Variants in CPED1 observed in about 807,000 individuals in gnomAD.
The protein encoded by CPED1 is cadherin like and PC-esterase domain containing 1, also known as cadherin-like and PC-esterase domain-containing protein 1.
In CPED1, 114 loss-of-function variants were observed where a neutral mutation model predicts 128.2. That is an observed-to-expected ratio of 0.89 (90% confidence interval 0.76 to 1.04). CPED1 has a LOEUF of 1.04. Ranked by LOEUF, CPED1 falls within the 50% of genes least tolerant of loss-of-function variation. CPED1 has a pLI of 0.00. For synonymous variants in CPED1, 462 were observed against 426.7 expected, an observed-to-expected ratio of 1.08 and a Z score of -1.02; for missense variants, 1,211 against 1,207.1, an observed-to-expected ratio of 1.00 and a Z score of -0.05.
At chr7:121,192,365 A>C (rs1797160154) in intron 16 of CPED1, among the ~76,000 whole-genome samples, 1 of 152,164 alleles carries the variant, frequency 6.6e-6, no homozygotes, top group South Asian at 2.1e-4. Context: ...GGGCTGCTCA[A>C]CTGGTAAATA....
chr7:121,178,044 G>T (rs553846067), intron 16 of CPED1, among the ~76,000 whole-genome samples: 29 of 152,058 alleles, frequency 1.9e-4, no homozygotes, highest in African/African-American at 7.0e-4. Context: ...AAGTATTCAC[G>T]AGGAGGGGCT....
intron 18 of CPED1, among the ~76,000 whole-genome samples, chr7:121,256,822 C>T (rs1384790973): frequency 6.6e-6 from 1 of 152,010 alleles, no homozygotes; most frequent in Non-Finnish European, 1.5e-5. Flanking sequence ...AACCTAGGTG[C>T]CCTTCAATGG....
intron 16 of CPED1, among the ~76,000 whole-genome samples, chr7:121,161,840 G>GGGTA (rs1469464790): frequency 1.3e-5 from 2 of 152,086 alleles, no homozygotes; most frequent in Non-Finnish European, 2.9e-5. Flanking sequence ...TTAAGAAAGG[G>GGGTA]GGTAGGTTTG....
chr7:121,136,981 G>A (rs1347352329), intron 14 of CPED1, among the ~76,000 whole-genome samples: 1 of 151,690 alleles, frequency 6.6e-6, no homozygotes, highest in African/African-American at 2.4e-5. Context: ...GTTCTATATA[G>A]CAAGATTTTT....
intron 7 of CPED1, among the ~76,000 whole-genome samples, chr7:121,121,200 A>G (rs1432969527): frequency 6.6e-6 from 1 of 152,154 alleles, no homozygotes; most frequent in East Asian, 1.9e-4. Flanking sequence ...CACCTTGGGA[A>G]AGATATCAGA....
At chr7:121,144,808 C>G (rs937168502) in intron 16 of CPED1, among the ~76,000 whole-genome samples, 1 of 151,974 alleles carries the variant, frequency 6.6e-6, no homozygotes, top group Non-Finnish European at 1.5e-5. Context: ...TAAATATATA[C>G]AACTATTATG....
At chr7:121,214,648 A>T (rs1382168708) in intron 16 of CPED1, among the ~76,000 whole-genome samples, 1 of 152,084 alleles carries the variant, frequency 6.6e-6, no homozygotes, top group Non-Finnish European at 1.5e-5. Flanking sequence ...GTGAGACTAC[A>T]CATAGAAAGG....
In CPED1 at chr7:121,248,606, A is replaced by C. The variant is rs565041725; in HGVS notation, c.2310+4268A>C. 4.9e-4 allele frequency among the ~76,000 whole-genome samples: 75 copies of C among 151,930 alleles called. No homozygotes were observed. In the South Asian group the frequency reaches 0.011, roughly 23 times the overall value. On this transcript the variant is annotated intron_variant, in intron 18 of 22. Transcript: ENST00000310396. Reference sequence around the variant, plus strand: ...GCACCCTGTGAAACAAAAAAAAAAAAAAAAAAAGCATTAAGCCACAAATAA... The same window carrying C: ...GCACCCTGTGAAACAAAAAAAAAAACAAAAAAAGCATTAAGCCACAAATAA...
intron 18 of CPED1, among the ~76,000 whole-genome samples, chr7:121,249,363 G>T (rs1171749988): frequency 6.6e-6 from 1 of 151,960 alleles, no homozygotes; most frequent in African/African-American, 2.4e-5. Context: ...CATCCCCAAA[G>T]AACATACTCA....
chr7:121,053,867 T>A (rs78085921), intron 4 of CPED1, among the ~76,000 whole-genome samples: 1 of 152,312 alleles, frequency 6.6e-6, no homozygotes, highest in South Asian at 2.1e-4. Context: ...CTATTGTTAT[T>A]AAATTTTTTG....
chr7:121,073,807 ATTTTTT>A (rs34082656), intron 5 of CPED1, among the ~76,000 whole-genome samples: 2 of 134,304 alleles, frequency 1.5e-5, no homozygotes, highest in African/African-American at 2.8e-5. Context: ...ACCTCTTCCC[ATTTTTT>A]TTTTTTTTTT....
At chr7:121,091,725 A>C (rs1315661126) in intron 5 of CPED1, among the ~76,000 whole-genome samples, 1 of 152,114 alleles carries the variant, frequency 6.6e-6, no homozygotes, top group Non-Finnish European at 1.5e-5. Flanking sequence ...TTATTATTCT[A>C]ATTTTCCAGA....
At chr7:121,214,524 C>A (rs113456927) in intron 16 of CPED1, among the ~76,000 whole-genome samples, 200 of 152,072 alleles carry the variant, frequency 1.3e-3, no homozygotes, top group Non-Finnish European at 2.3e-3. Flanking sequence ...GAACTCCTGA[C>A]CTCAAGTGAT....
At chr7:120,993,097 G>A (rs1203978233) in intron 2 of CPED1, among the ~76,000 whole-genome samples, 2 of 152,192 alleles carry the variant, frequency 1.3e-5, no homozygotes, top group Non-Finnish European at 2.9e-5. Context: ...AACATCAGTA[G>A]TCTGAATATT....
intron 3 of CPED1, among the ~76,000 whole-genome samples, chr7:121,027,642 T>A (rs1792623968): frequency 1.3e-5 from 2 of 151,832 alleles, no homozygotes; most frequent in African/African-American, 4.8e-5. Flanking sequence ...CCCCTACCCC[T>A]AGTGAAGTCT....
intron 9 of CPED1, among the ~76,000 whole-genome samples, chr7:121,126,150 G>T (rs1304554042): frequency 6.6e-6 from 1 of 152,116 alleles, no homozygotes; most frequent in African/African-American, 2.4e-5. Flanking sequence ...AATAAATGTG[G>T]TATGAAGTCA....
In CPED1 at chr7:120,989,518, G is replaced by A. The variant is rs551515211; in HGVS notation, c.-104G>A. The A allele has an allele frequency of 2.6e-4, 378 of 1,450,214 alleles. 4 individuals are homozygous for A. The East Asian group carries it at 3.5e-3, about 13-fold the overall frequency. The allele number at this position is 1,450,214 out of a possible 1,614,324, so 89.8% of individuals were successfully genotyped here. A position where few individuals can be genotyped will look rare whatever the true frequency, so the allele number is the denominator to read the frequency against. ...CAGGGATGAAGCAAACTTGATTGGAGTTGGGGAAAAAGAAGACAGATTAGT... is the reference window on the plus strand; with the variant it reads ...CAGGGATGAAGCAAACTTGATTGGAATTGGGGAAAAAGAAGACAGATTAGT... On this transcript the variant is annotated 5_prime_UTR_variant, in exon 2 of 23. Transcript: ENST00000310396.
intron 12 of CPED1, among the ~76,000 whole-genome samples, chr7:121,130,537 T>A (rs140355314): frequency 1.3e-5 from 2 of 152,098 alleles, no homozygotes; most frequent in Non-Finnish European, 2.9e-5. Context: ...TCCACTATAA[T>A]GTTTAGAATT....
chr7:121,036,165 A>G (rs12672149), intron 3 of CPED1, among the ~76,000 whole-genome samples: 121,583 of 151,940 alleles, frequency 0.8, 48,926 homozygotes, highest in East Asian at 0.94. Flanking sequence ...AACAGGTGGC[A>G]TTTGGTTACA....
Sources: gnomAD v4.1 joint callset for allele counts (sites outside exome capture counted in the v4.1 genomes callset) on GRCh38, gnomAD v4.1.1 for gene constraint, MANE v1.5 for transcripts, NCBI Gene and HGNC (gene_info 2026-07-23, HGNC 2026-07-21) for gene names.